RBFOX1: variants seen among roughly 807,000 people sequenced by gnomAD.
RBFOX1 encodes the protein RNA binding protein fox-1 homolog 1.
RBFOX1 carries 8 observed loss-of-function variants against 57.7 expected under a neutral mutation model. That is an observed-to-expected ratio of 0.14 (90% confidence interval 0.08 to 0.25). The LOEUF is 0.25. Among genes scored for constraint, RBFOX1 ranks in the 10% least tolerant of loss-of-function variants. RBFOX1 has a pLI of 1.00. For synonymous variants in RBFOX1, 326 were observed against 222.4 expected (o/e 1.47, Z -4.15); for missense variants, 611 against 548.5 (o/e 1.11, Z -1.14).
At chr16:5,648,868 A>G (rs1478908450) in intron 3 of RBFOX1, among the ~76,000 whole-genome samples, 1 of 152,104 alleles carries the variant, frequency 6.6e-6, no homozygotes, top group Admixed American at 6.5e-5. Flanking sequence ...GTTTGAGTCC[A>G]GGCTGGCCAA....
intron 1 of RBFOX1, among the ~76,000 whole-genome samples, chr16:5,322,088 G>A (rs896510482): frequency 4.6e-5 from 7 of 152,090 alleles, no homozygotes; most frequent in African/African-American, 1.7e-4. Flanking sequence ...AAATATAACC[G>A]GGACCTGAAC....
intron 4 of RBFOX1, among the ~76,000 whole-genome samples, chr16:5,977,357 G>A (rs2060086170): frequency 6.6e-6 from 1 of 152,172 alleles, no homozygotes; most frequent in Non-Finnish European, 1.5e-5. Flanking sequence ...AGTCTCTCCA[G>A]AGACCGCTCC....
chr16:5,757,898 A>G (rs908042888), intron 3 of RBFOX1, among the ~76,000 whole-genome samples: 3 of 152,136 alleles, frequency 2.0e-5, no homozygotes, highest in African/African-American at 7.2e-5. Context: ...CTCTGACAAT[A>G]AATCTTTCCC....
intron 3 of RBFOX1, among the ~76,000 whole-genome samples, chr16:6,906,935 G>A (rs186187203): frequency 3.9e-4 from 60 of 152,180 alleles, no homozygotes; most frequent in Non-Finnish European, 7.1e-4. Flanking sequence ...TGTTGGCCAG[G>A]CTGGTCTTGA....
intron 1 of RBFOX1, among the ~76,000 whole-genome samples, chr16:6,093,307 C>T (rs935428535): frequency 6.6e-6 from 1 of 152,098 alleles, no homozygotes; most frequent in Non-Finnish European, 1.5e-5. Flanking sequence ...GGTGCAGTGG[C>T]TCGCACCTGT....
chr16:7,448,099 A>G (rs1410687856), intron 4 of RBFOX1, among the ~76,000 whole-genome samples: 2 of 152,238 alleles, frequency 1.3e-5, no homozygotes. Context: ...AAGATGCAGC[A>G]TTTACTTGAG....
At chr16:6,125,243 G>A (rs1202870859) in intron 1 of RBFOX1, among the ~76,000 whole-genome samples, 1 of 152,096 alleles carries the variant, frequency 6.6e-6, no homozygotes, top group Non-Finnish European at 1.5e-5. Context: ...TTATTACAAT[G>A]TTTTTTTCTT....
chr16:5,708,099 G>A (rs532976140), intron 3 of RBFOX1, among the ~76,000 whole-genome samples: 23 of 152,112 alleles, frequency 1.5e-4, no homozygotes, highest in Non-Finnish European at 1.5e-4. Flanking sequence ...TTGTTTCGTG[G>A]GCTCTTCCTG....
chr16:5,375,177 C>A (rs942277486), intron 1 of RBFOX1, among the ~76,000 whole-genome samples: 1 of 149,834 alleles, frequency 6.7e-6, no homozygotes. Context: ...CGAGGGACTT[C>A]TCAGAGCCTT....
At chr16:5,561,645 G>A (rs1353897932) in intron 2 of RBFOX1, among the ~76,000 whole-genome samples, 1 of 152,058 alleles carries the variant, frequency 6.6e-6, no homozygotes, top group Admixed American at 6.6e-5. Context: ...TTTATATGAT[G>A]ATTATTATTA....
intron 1 of RBFOX1, among the ~76,000 whole-genome samples, chr16:6,204,330 A>T (rs2097238725): frequency 6.6e-6 from 1 of 152,206 alleles, no homozygotes; most frequent in South Asian, 2.1e-4. Context: ...GATTGACAGC[A>T]GCTTCTGTGA....
intron 4 of RBFOX1, among the ~76,000 whole-genome samples, chr16:5,999,635 G>C (rs767389828): frequency 3.5e-4 from 54 of 152,260 alleles, no homozygotes; most frequent in South Asian, 1.0e-3. Context: ...GCTGAGGTGG[G>C]CGGATCACGA....
chr16:7,370,257 C>T (rs143165484), intron 4 of RBFOX1, among the ~76,000 whole-genome samples: 1 of 152,146 alleles, frequency 6.6e-6, no homozygotes, highest in Admixed American at 6.5e-5. Context: ...AGAACTACTG[C>T]TCTAAGTTAT....
intron 3 of RBFOX1, among the ~76,000 whole-genome samples, chr16:6,968,377 C>T (rs1225662445): frequency 1.3e-5 from 2 of 152,154 alleles, no homozygotes; most frequent in Non-Finnish European, 2.9e-5. Flanking sequence ...ATTTTTCCTC[C>T]TTCATCAGGC....
chr16:7,492,493 T>G (rs2067245201), intron 4 of RBFOX1, among the ~76,000 whole-genome samples: 1 of 152,082 alleles, frequency 6.6e-6, no homozygotes, highest in African/African-American at 2.4e-5. Context: ...CTGTCCTGTC[T>G]CATATGACAG....
Position 6,775,463 on chromosome 16 carries a change from A to G in RBFOX1, c.-16+120813A>G, listed in dbSNP as rs529314893. Among the ~76,000 whole-genome samples the G allele has an allele frequency of 1.5e-4, 22 of 143,146 alleles. No individual in the cohort carries two copies. In the East Asian group the frequency reaches 4.1e-3, roughly 26 times the overall value. 93.9% of individuals were successfully genotyped at this position (143,146 alleles called of 152,430 possible). A position where few individuals can be genotyped will look rare whatever the true frequency, so the allele number is the denominator to read the frequency against. ...CATCTTGTCTTGCCTAATCCCAAAA[A>G]GAAAAAAAAATAGGTGATAAGATTA... On this transcript the variant is annotated intron_variant, in intron 3 of 15. Transcript: ENST00000550418.
intron 4 of RBFOX1, among the ~76,000 whole-genome samples, chr16:7,063,078 C>G (rs958944724): frequency 6.6e-6 from 1 of 151,908 alleles, no homozygotes; most frequent in African/African-American, 2.4e-5. Flanking sequence ...CCCTGCAATG[C>G]CTCCCTGATG....
chr16:6,751,045 A>G (rs1463993129), intron 3 of RBFOX1, among the ~76,000 whole-genome samples: 1 of 152,192 alleles, frequency 6.6e-6, no homozygotes, highest in African/African-American at 2.4e-5. Flanking sequence ...GATGTGGGAA[A>G]GAACTAAAAG....
intron 1 of RBFOX1, among the ~76,000 whole-genome samples, chr16:5,290,681 C>G (rs933000089): frequency 6.7e-6 from 1 of 148,166 alleles, no homozygotes; most frequent in African/African-American, 2.5e-5. Flanking sequence ...GGTTGATAGG[C>G]ATAGAGCAGA....
Sources: allele counts gnomAD v4.1 joint callset (sites outside exome capture counted in the v4.1 genomes callset), GRCh38; gene constraint gnomAD v4.1.1; transcripts MANE v1.5; gene names NCBI Gene and HGNC (gene_info 2026-07-23, HGNC 2026-07-21).